FAM227A: variants seen among roughly 807,000 people sequenced by gnomAD.
FAM227A encodes protein FAM227A.
A neutral mutation model predicts 74.7 loss-of-function variants in FAM227A; 80 were observed. That is an observed-to-expected ratio of 1.07 (90% CI 0.89 to 1.29). The LOEUF (loss-of-function observed/expected upper bound fraction) is 1.29. Ranked by LOEUF, FAM227A falls within the 50% of genes most tolerant of loss-of-function variation. The pLI is 0.00. For missense variants in FAM227A, 654 were observed against 683.4 expected, an observed-to-expected ratio of 0.96 and a Z score of 0.48; for synonymous variants, 237 against 241.8, an observed-to-expected ratio of 0.98 and a Z score of 0.19.
chr22:38,613,084 A>ATATATAATATTATATATAAT (rs2091453759), intron 11 of FAM227A, among the ~76,000 whole-genome samples: 1 of 87,210 alleles, frequency 1.1e-5, no homozygotes, highest in East Asian at 2.7e-4. Flanking sequence ...ATATATAATT[A>ATATATAATATTATATATAAT]TATATATATA....
At chr22:38,636,856 C>T (rs565149480) in intron 5 of FAM227A, among the ~76,000 whole-genome samples, 2 of 149,978 alleles carry the variant, frequency 1.3e-5, no homozygotes, top group Non-Finnish European at 3.0e-5. Flanking sequence ...ACTGCAACCT[C>T]TGCCTCCTGG....
intron 6 of FAM227A, among the ~76,000 whole-genome samples, chr22:38,631,390 G>C (rs528041115): frequency 6.6e-6 from 1 of 152,068 alleles, no homozygotes; most frequent in African/African-American, 2.4e-5. Flanking sequence ...CTCTCAAAAG[G>C]GGGAGGATGA....
intron 15 of FAM227A, among the ~76,000 whole-genome samples, chr22:38,592,724 A>C (rs1281651502): frequency 6.6e-6 from 1 of 152,236 alleles, no homozygotes; most frequent in Admixed American, 6.5e-5. Flanking sequence ...AATGAGAGAA[A>C]AGAAATTGTA....
chr22:38,615,294 G>A (rs1251584577), intron 11 of FAM227A, among the ~76,000 whole-genome samples: 1 of 152,214 alleles, frequency 6.6e-6, no homozygotes, highest in African/African-American at 2.4e-5. Context: ...AAGTGCTGAA[G>A]ATTACAGGCT....
intron 1 of FAM227A, chr22:38,653,766 A>T (rs940990931): frequency 3.9e-5 from 6 of 152,266 alleles, no homozygotes; most frequent in Non-Finnish European, 7.3e-5. Context: ...GAAGCCAAAA[A>T]GGTTGAGGAC....
chr22:38,635,591 C>T (rs567502863), intron 6 of FAM227A, among the ~76,000 whole-genome samples: 23 of 152,166 alleles, frequency 1.5e-4, no homozygotes, highest in Non-Finnish European at 3.1e-4. Context: ...TACTTCCTTG[C>T]TTTCTTCCCA....
At chr22:38,647,148 CA>C (rs2092254073) in intron 2 of FAM227A, among the ~76,000 whole-genome samples, 1 of 133,104 alleles carries the variant, frequency 7.5e-6, no homozygotes, top group Non-Finnish European at 1.7e-5. Context: ...GACTCCATCT[CA>C]AAAATAAATA....
rs2091561119 is a variant in FAM227A at position 38,615,689 on chromosome 22, G to A, written c.1038+4523C>T. ...GATTCTGTACGGCACTGCAAGTCAG[G>A]TGAGCGAGACTGGATTTTATTCCAA... On this transcript the variant is annotated intron_variant, in intron 11 of 16. Transcript: ENST00000535113. Among the ~76,000 whole-genome samples the A allele has an allele frequency of 3.3e-5, 5 of 152,338 alleles. 1 individual carries two copies. The South Asian group carries it at 1.0e-3, about 32-fold the overall frequency.
chr22:38,640,793 C>G (rs1356739938), intron 3 of FAM227A, among the ~76,000 whole-genome samples: 1 of 152,158 alleles, frequency 6.6e-6, no homozygotes, highest in East Asian at 1.9e-4. Flanking sequence ...CATCAGGCTC[C>G]TGAGCTTGAT....
chr22:38,619,847 T>C (rs1173039287), intron 11 of FAM227A, among the ~76,000 whole-genome samples: 1 of 152,030 alleles, frequency 6.6e-6, no homozygotes, highest in Non-Finnish European at 1.5e-5. Flanking sequence ...GGAACATCAA[T>C]AGGGCAGAGG....
rs1295687310 is a variant in FAM227A at position 38,651,693 on chromosome 22, T to C, written c.-94-1431A>G. On this transcript the variant is annotated intron_variant, in intron 1 of 16. Coordinates refer to ENST00000535113, the MANE Select transcript of FAM227A (RefSeq NM_001013647.2). ...GAATATTTCATACCATTTTAGGTAT[T>C]CTCTGAAACATGGTAAGTTTTTACT... Among the ~76,000 whole-genome samples, 3 of 152,166 alleles carry C rather than the reference T, an allele frequency of 2.0e-5. No homozygotes were observed. In the South Asian group the frequency reaches 6.2e-4, roughly 32 times the overall value.
intron 2 of FAM227A, 195 bp downstream of exon 2, chr22:38,649,832 C>A (rs965446490): frequency 1.6e-4 from 85 of 525,144 alleles, no homozygotes; most frequent in Non-Finnish European, 2.4e-4. Context: ...TGTGCCACTG[C>A]ACTCCAGCCT....
intron 4 of FAM227A, 45 bp downstream of exon 4, chr22:38,639,610 C>T (rs973557173): frequency 6.5e-7 from 1 of 1,541,786 alleles, no homozygotes; most frequent in East Asian, 2.4e-5. Context: ...ACTAAAAAAA[C>T]AAACCCCATG....
chr22:38,625,430 C>CT (rs1465487166), intron 9 of FAM227A, among the ~76,000 whole-genome samples: 1 of 151,100 alleles, frequency 6.6e-6, no homozygotes, highest in Non-Finnish European at 1.5e-5. Context: ...AGGCATCAAG[C>CT]TGGTCCTGTG....
chr22:38,643,520 G>A (rs911365150), intron 3 of FAM227A, among the ~76,000 whole-genome samples: 1 of 152,156 alleles, frequency 6.6e-6, no homozygotes, highest in Non-Finnish European at 1.5e-5. Flanking sequence ...TGGTGAGAAC[G>A]TGGAGCCGCA....
intron 11 of FAM227A, among the ~76,000 whole-genome samples, chr22:38,610,949 A>T (rs1462559705): frequency 6.6e-6 from 1 of 152,092 alleles, no homozygotes; most frequent in Non-Finnish European, 1.5e-5. Context: ...AACCCCAGCT[A>T]CTTGGGAGGC....
intron 8 of FAM227A, among the ~76,000 whole-genome samples, chr22:38,627,055 C>G (rs974399310): frequency 1.8e-4 from 27 of 150,140 alleles, no homozygotes; most frequent in Admixed American, 1.6e-3. Flanking sequence ...TATGATTGCA[C>G]CACCCTGGCA....
intron 11 of FAM227A, among the ~76,000 whole-genome samples, chr22:38,607,758 C>T (rs914211155): frequency 2.0e-5 from 3 of 152,168 alleles, no homozygotes; most frequent in Non-Finnish European, 4.4e-5. Flanking sequence ...GGCAAGTCAT[C>T]AAACCTCTTT....
intron 11 of FAM227A, among the ~76,000 whole-genome samples, chr22:38,619,867 G>C (rs778331818): frequency 6.6e-6 from 1 of 152,118 alleles, no homozygotes; most frequent in Non-Finnish European, 1.5e-5. Flanking sequence ...GAGAAAGTAC[G>C]TATCAGGGAT....
Sources: allele counts gnomAD v4.1 joint callset (sites outside exome capture counted in the v4.1 genomes callset), GRCh38; gene constraint gnomAD v4.1.1; transcripts MANE v1.5; gene names NCBI Gene and HGNC (gene_info 2026-07-23, HGNC 2026-07-21).